The following RNF220 variants were observed in gnomAD, a reference collection of about 807,000 sequenced individuals.
The protein encoded by RNF220 is E3 ubiquitin-protein ligase RNF220.
Under a neutral mutation model 67.1 loss-of-function variants are expected in RNF220, and 7 were observed. The observed-to-expected ratio is 0.10, with a 90% confidence interval of 0.06 to 0.20. The LOEUF is 0.20. Among genes scored for constraint, RNF220 ranks in the 10% least tolerant of loss-of-function variants. The pLI is 1.00. For synonymous variants in RNF220, 270 were observed against 283.2 expected (o/e 0.95, Z 0.47); for missense variants, 565 against 740.3 (o/e 0.76, Z 2.75).
chr1:44,560,329 T>G (rs1309885798), intron 2 of RNF220, among the ~76,000 whole-genome samples: 1 of 152,140 alleles, frequency 6.6e-6, no homozygotes, highest in Non-Finnish European at 1.5e-5. Flanking sequence ...CAGGTGCTGT[T>G]TCCCAAACAG....
chr1:44,635,658 C>G (rs746942310), intron 7 of RNF220, 70 bp downstream of exon 7: 2 of 1,613,332 alleles, frequency 1.2e-6, no homozygotes, highest in African/African-American at 2.7e-5. Context: ...GGAGCATTGC[C>G]TTTCTAAGGT....
chr1:44,645,143 T>C lies in RNF220; in HGVS notation c.1310+62T>C. The C allele has an allele frequency of 6.2e-7, 1 of 1,611,650 alleles. No individual in the cohort carries two copies. The highest frequency in any genetic ancestry group is 8.5e-7 in the Non-Finnish European group (1 of 1,177,942). On this transcript the variant is annotated intron_variant, in intron 10 of 14. Transcript: ENST00000361799. The surrounding 1 kb of genome is among the most constrained non-coding windows in gnomAD (Gnocchi z 5.0). ...GAAACAGGAAGCCCTGAGGCAGGGG[T>C]TAACGCAGTACTGACCCTCAGGGCT... is the stretch of plus-strand genomic sequence containing the variant.
chr1:44,638,480 T>A (rs949541800), intron 8 of RNF220: 2 of 152,196 alleles, frequency 1.3e-5, no homozygotes, highest in African/African-American at 4.8e-5. Context: ...GCTGTCGTTG[T>A]TAGATATGAA....
At chr1:44,538,662 T>A (rs542741374) in intron 2 of RNF220, among the ~76,000 whole-genome samples, 1 of 152,282 alleles carries the variant, frequency 6.6e-6, no homozygotes, top group South Asian at 2.1e-4. Context: ...ATGCCTGTAA[T>A]CCCAGCTCTT....
chr1:44,453,794 A>G (rs1265862736), intron 2 of RNF220, among the ~76,000 whole-genome samples: 1 of 152,176 alleles, frequency 6.6e-6, no homozygotes, highest in East Asian at 1.9e-4. Flanking sequence ...AGTTTAGTGC[A>G]ATGGTTCTCA....
At position 44,565,271 on chromosome 1, in the gene RNF220, A is replaced by G. The variant is rs1408786474; in HGVS notation, c.626-48894A>G. On this transcript the variant is annotated intron_variant, in intron 2 of 14. Coordinates refer to ENST00000361799, the MANE Select transcript of RNF220 (RefSeq NM_018150.4). The surrounding 1 kb of genome is among the most constrained non-coding windows in gnomAD (Gnocchi z 4.2). ...TAAGGCCAGTTGGGTACCAATCTGG[A>G]AGCCTGGGGAAAATGCAGGGAGGGA... Among the ~76,000 whole-genome samples, 3 of 148,800 alleles carry G rather than the reference A, an allele frequency of 2.0e-5. No individual in the cohort carries two copies. The highest frequency in any genetic ancestry group is 4.5e-5 in the Non-Finnish European group (3 of 66,976).
At chr1:44,597,470 A>G (rs1442926561) in intron 2 of RNF220, among the ~76,000 whole-genome samples, 2 of 3,500 alleles carry the variant, frequency 5.7e-4, no homozygotes, top group African/African-American at 2.8e-3. Context: ...TCTCTCATGC[A>G]CACACACACA....
chr1:44,450,921 C>T (rs780144977), intron 2 of RNF220, among the ~76,000 whole-genome samples: 3 of 152,272 alleles, frequency 2.0e-5, no homozygotes, highest in South Asian at 2.1e-4. Flanking sequence ...TGGTGGCTCA[C>T]GCCTGTAATC....
In RNF220 at chr1:44,565,585, G is replaced by A. The variant is rs1663940053; in HGVS notation, c.626-48580G>A. 6.6e-6 allele frequency among the ~76,000 whole-genome samples: 1 copy of A among 152,230 alleles called. No individual in the cohort carries two copies. Among genetic ancestry groups the A allele is most frequent in the South Asian group, 2.1e-4 (1 of 4,832 alleles). ...CCTTCTCCCTCAGCCCAGGCAAGGG[G>A]GAGGTTGCATGGAGGGCAAGCATGC... On this transcript the variant is annotated intron_variant, in intron 2 of 14. Coordinates refer to ENST00000361799, the MANE Select transcript of RNF220 (RefSeq NM_018150.4). This position sits in a 1 kb window ranked among gnomAD's most constrained non-coding sequence, Gnocchi z 4.2.
At chr1:44,646,544 C>G (rs1451967496) in intron 12 of RNF220, among the ~76,000 whole-genome samples, 1 of 152,234 alleles carries the variant, frequency 6.6e-6, no homozygotes, top group African/African-American at 2.4e-5. Context: ...TAATTCTCTC[C>G]TACTCCAGCT....
chr1:44,550,690 G>T (rs1662557345), intron 2 of RNF220, among the ~76,000 whole-genome samples: 1 of 152,192 alleles, frequency 6.6e-6, no homozygotes, highest in Non-Finnish European at 1.5e-5. Context: ...CCAGCCTGAG[G>T]TTGAGCTACA....
chr1:44,595,781 T>G (rs1191808650), intron 2 of RNF220, among the ~76,000 whole-genome samples: 1 of 152,168 alleles, frequency 6.6e-6, no homozygotes, highest in African/African-American at 2.4e-5. Flanking sequence ...TTTTATTTTT[T>G]GAGATGGAGT....
At position 44,606,424 on chromosome 1, in the gene RNF220, G is replaced by A. The variant is rs1463406620; in HGVS notation, c.626-7741G>A. On this transcript the variant is annotated intron_variant, in intron 2 of 14. Coordinates refer to ENST00000361799, the MANE Select transcript of RNF220 (RefSeq NM_018150.4). This position sits in a 1 kb window ranked among gnomAD's most constrained non-coding sequence, Gnocchi z 4.2. ...GAGGGGAGAGTGGATGAGTAATTAG[G>A]TGGTTTGGATGGATGACAGGTGGAT... Among the ~76,000 whole-genome samples, 2 of 152,232 alleles carry A rather than the reference G, an allele frequency of 1.3e-5. No homozygotes were observed. The highest frequency in any genetic ancestry group is 2.9e-5 in the Non-Finnish European group (2 of 68,048).
chr1:44,496,341 A>G (rs920464359), intron 2 of RNF220, among the ~76,000 whole-genome samples: 1 of 152,318 alleles, frequency 6.6e-6, no homozygotes, highest in Non-Finnish European at 1.5e-5. Context: ...CAGAGTCACT[A>G]ATATTTATAA....
chr1:44,589,482 C>T (rs1376510526), intron 2 of RNF220, among the ~76,000 whole-genome samples: 6 of 151,950 alleles, frequency 3.9e-5, no homozygotes, highest in African/African-American at 7.3e-5. Context: ...AGCGTGGTGA[C>T]GGGCGCCTGT....
chr1:44,424,014 C>A, intron 2 of RNF220: 7 of 985,454 alleles, frequency 7.1e-6, no homozygotes, highest in Non-Finnish European at 8.4e-6. Flanking sequence ...TTATCTTCAT[C>A]ATCGCTCTAC....
intron 2 of RNF220, among the ~76,000 whole-genome samples, chr1:44,480,344 C>T (rs1008347945): frequency 6.6e-6 from 1 of 152,082 alleles, no homozygotes; most frequent in Non-Finnish European, 1.5e-5. Flanking sequence ...GACGTAAAGG[C>T]TGTGGTGAGC....
At chr1:44,527,591 TA>T (rs1177691003) in intron 2 of RNF220, among the ~76,000 whole-genome samples, 1 of 151,992 alleles carries the variant, frequency 6.6e-6, no homozygotes, top group Non-Finnish European at 1.5e-5. Flanking sequence ...GACCCTGTCT[TA>T]TTTTTTTTTT....
chr1:44,555,317 C>T (rs1250640265), intron 2 of RNF220, among the ~76,000 whole-genome samples: 1 of 152,150 alleles, frequency 6.6e-6, no homozygotes, highest in Non-Finnish European at 1.5e-5. Flanking sequence ...ATTCTCCTGC[C>T]TTGGCCTCCC....
Sources: allele counts gnomAD v4.1 joint callset (sites outside exome capture counted in the v4.1 genomes callset), GRCh38; gene constraint gnomAD v4.1.1; non-coding constraint Gnocchi (gnomAD v3.1); transcripts MANE v1.5; gene names NCBI Gene and HGNC (gene_info 2026-07-23, HGNC 2026-07-21).